CCDC171: variants seen among roughly 807,000 people sequenced by gnomAD.
CCDC171 encodes the protein coiled-coil domain containing 171.
CCDC171 carries 177 observed loss-of-function variants against 168.2 expected under a neutral mutation model. The ratio of observed to expected loss-of-function variants is 1.05; its 90% CI spans 0.93 to 1.19. The LOEUF (loss-of-function observed/expected upper bound fraction) is 1.19. Among genes scored for constraint, CCDC171 ranks in the 50% most tolerant of loss-of-function variants. The pLI is 0.00. For missense variants in CCDC171, 1,991 were observed against 1,539.0 expected, an observed-to-expected ratio of 1.29 and a Z score of -4.91; for synonymous variants, 687 against 540.8, an observed-to-expected ratio of 1.27 and a Z score of -3.75.
intron 7 of CCDC171, among the ~76,000 whole-genome samples, chr9:15,656,044 G>A (rs1465089581): frequency 6.6e-6 from 1 of 152,186 alleles, no homozygotes; most frequent in Non-Finnish European, 1.5e-5. Context: ...ATATGGCTGG[G>A]TGCGGTGGCT....
chr9:16,016,365 T>C (rs545106960), intron 3 of CCDC171, among the ~76,000 whole-genome samples: 6 of 152,154 alleles, frequency 3.9e-5, no homozygotes, highest in Non-Finnish European at 7.3e-5. Flanking sequence ...AGAAGAGTCT[T>C]CTTGATTTCC....
chr9:15,835,469 C>T (rs1475243292), intron 21 of CCDC171, among the ~76,000 whole-genome samples: 1 of 152,060 alleles, frequency 6.6e-6, no homozygotes, highest in Non-Finnish European at 1.5e-5. Context: ...CTTTTGTTGC[C>T]CAGGCTGGAG....
At chr9:16,047,328 C>G (rs955435500) in intron 1 of CCDC171, among the ~76,000 whole-genome samples, 19 of 152,150 alleles carry the variant, frequency 1.2e-4, no homozygotes, top group African/African-American at 3.6e-4. Context: ...GCTGCCCAAG[C>G]CAGAAATCTG....
intron 21 of CCDC171, among the ~76,000 whole-genome samples, chr9:15,840,493 T>A (rs1465810059): frequency 6.6e-6 from 1 of 152,068 alleles, no homozygotes; most frequent in Admixed American, 6.6e-5. Flanking sequence ...GTGTATTCTG[T>A]CCCCTTGTAT....
chr9:15,725,428 C>A (rs925544504), intron 14 of CCDC171, among the ~76,000 whole-genome samples: 1 of 152,068 alleles, frequency 6.6e-6, no homozygotes. Flanking sequence ...AGCTTAGCCT[C>A]TCCACATCTT....
intron 10 of CCDC171, among the ~76,000 whole-genome samples, chr9:15,693,206 GTA>G (rs2050950370): frequency 5.4e-5 from 1 of 18,464 alleles, no homozygotes; most frequent in Non-Finnish European, 1.5e-4. Flanking sequence ...TTACAAATAG[GTA>G]CACACAGACA....
At chr9:16,007,207 T>C (rs1221896101) in intron 3 of CCDC171, among the ~76,000 whole-genome samples, 4 of 152,206 alleles carry the variant, frequency 2.6e-5, no homozygotes, top group Non-Finnish European at 5.9e-5. Flanking sequence ...TTTTCATGTG[T>C]TTTTTGGCTG....
intron 7 of CCDC171, among the ~76,000 whole-genome samples, chr9:15,623,717 T>C (rs1325420892): frequency 6.6e-6 from 1 of 152,152 alleles, no homozygotes; most frequent in East Asian, 1.9e-4. Flanking sequence ...AGAGTAATTG[T>C]TTACATTATT....
At chr9:15,647,975 G>A (rs2047186020) in intron 7 of CCDC171, among the ~76,000 whole-genome samples, 2 of 152,324 alleles carry the variant, frequency 1.3e-5, no homozygotes, top group African/African-American at 2.4e-5. Flanking sequence ...TGTCCCTGAT[G>A]AACATTGATG....
At chr9:15,627,556 T>A (rs2045264617) in intron 7 of CCDC171, among the ~76,000 whole-genome samples, 1 of 152,250 alleles carries the variant, frequency 6.6e-6, no homozygotes, top group Admixed American at 6.5e-5. Context: ...TCTTTATTTC[T>A]GTCTTCATTT....
intron 1 of CCDC171, among the ~76,000 whole-genome samples, chr9:16,045,002 A>C (rs1352560573): frequency 1.3e-5 from 2 of 152,190 alleles, no homozygotes; most frequent in African/African-American, 2.4e-5. Context: ...GTGTCTTAAG[A>C]GGTTACTGCT....
chr9:15,801,707 A>C (rs932069955), intron 21 of CCDC171, among the ~76,000 whole-genome samples: 4 of 152,030 alleles, frequency 2.6e-5, no homozygotes, highest in African/African-American at 9.7e-5. Flanking sequence ...CTTAGAGGAA[A>C]GGGTTTCATT....
At chr9:15,845,396 T>C (rs1297953450) in intron 21 of CCDC171, among the ~76,000 whole-genome samples, 2 of 152,074 alleles carry the variant, frequency 1.3e-5, no homozygotes, top group African/African-American at 4.8e-5. Flanking sequence ...TGACGGTAAC[T>C]CGACTATTTG....
intron 23 of CCDC171, among the ~76,000 whole-genome samples, chr9:15,867,900 A>G (rs906435718): frequency 6.6e-6 from 1 of 152,076 alleles, no homozygotes. Flanking sequence ...TGTGAGGTGC[A>G]TTCTATAGTA....
rs532567941 is a variant in CCDC171 at position 15,614,113 on chromosome 9, G to C, written c.676-9154G>C. On this transcript the variant is annotated intron_variant, in intron 6 of 25. Coordinates refer to ENST00000380701, the MANE Select transcript of CCDC171 (RefSeq NM_173550.4). Reference sequence around the variant, plus strand: ...CTGCCTTAGCCTTTGCTTCCTACTTGCACAGAGCCTTAAGGTCAGCCAGAG... The same window carrying C: ...CTGCCTTAGCCTTTGCTTCCTACTTCCACAGAGCCTTAAGGTCAGCCAGAG... Among the ~76,000 whole-genome samples the C allele has an allele frequency of 2.4e-3, 370 of 152,306 alleles. 1 individual carries two copies. The highest frequency in any genetic ancestry group is 3.9e-3 in the Non-Finnish European group (263 of 68,014).
intron 3 of CCDC171, among the ~76,000 whole-genome samples, chr9:15,990,880 C>G (rs146486091): frequency 6.6e-6 from 1 of 152,170 alleles, no homozygotes; most frequent in Non-Finnish European, 1.5e-5. Flanking sequence ...AGCTAGGTAT[C>G]CTAAATATAT....
At chr9:15,597,338 G>T (rs2042450451) in intron 6 of CCDC171, among the ~76,000 whole-genome samples, 1 of 152,262 alleles carries the variant, frequency 6.6e-6, no homozygotes, top group East Asian at 1.9e-4. Context: ...CTAATTTATT[G>T]AGAGTTTTTA....
chr9:15,859,748 C>T (rs544099383), intron 23 of CCDC171, among the ~76,000 whole-genome samples: 1 of 151,698 alleles, frequency 6.6e-6, no homozygotes, highest in Admixed American at 6.6e-5. Context: ...CAGCCTCAAA[C>T]CCCTGGGCTC....
chr9:15,968,937 G>C (rs1831079582), intron 25 of CCDC171, among the ~76,000 whole-genome samples: 1 of 152,118 alleles, frequency 6.6e-6, no homozygotes, highest in Admixed American at 6.5e-5. Context: ...GATCCCAGTA[G>C]CAAAAGCAGT....
Sources: allele counts gnomAD v4.1 joint callset (sites outside exome capture counted in the v4.1 genomes callset), GRCh38; gene constraint gnomAD v4.1.1; transcripts MANE v1.5; gene names NCBI Gene and HGNC (gene_info 2026-07-23, HGNC 2026-07-21).